The following STXBP3 variants were observed in gnomAD, a reference collection of about 807,000 sequenced individuals.
The protein encoded by STXBP3 is syntaxin binding protein 3.
A neutral mutation model predicts 85.7 loss-of-function variants in STXBP3; 41 were observed. That is an observed-to-expected ratio of 0.48 (90% CI 0.37 to 0.62). The LOEUF is 0.62. Among genes scored for constraint, STXBP3 ranks in the 20% least tolerant of loss-of-function variants. STXBP3 has a pLI of 0.00. For missense variants in STXBP3, 563 were observed against 703.1 expected (o/e 0.80, Z 2.25); for synonymous variants, 229 against 231.7 (o/e 0.99, Z 0.10).
At chr1:108,749,621 A>G (rs765017516) in intron 1 of STXBP3, among the ~76,000 whole-genome samples, 8 of 152,196 alleles carry the variant, frequency 5.3e-5, no homozygotes, top group Non-Finnish European at 1.2e-4. Context: ...GTATTTGTTG[A>G]TATGATTTCC....
intron 11 of STXBP3, among the ~76,000 whole-genome samples, chr1:108,792,553 AAT>A (rs1662998867): frequency 6.6e-6 from 1 of 152,204 alleles, no homozygotes. Context: ...TGAAATACAA[AAT>A]ATATGTTAAC....
chr1:108,776,553 T>G, intron 8 of STXBP3, 130 bp downstream of exon 8: 1 of 566,494 alleles, frequency 1.8e-6, no homozygotes, highest in Non-Finnish European at 3.0e-6. Context: ...AATACTGATT[T>G]GAGAATCATT....
intron 5 of STXBP3, 89 bp from the exon 6 acceptor site, chr1:108,759,896 T>C (rs1477328284): frequency 2.6e-6 from 2 of 768,188 alleles, no homozygotes; most frequent in Non-Finnish European, 4.3e-6. Context: ...CCAGTAATTA[T>C]GTATAACTAT....
At chr1:108,767,312 T>C in intron 6 of STXBP3, 1 of 233,656 alleles carries the variant, frequency 4.3e-6, no homozygotes, top group Non-Finnish European at 8.4e-6. Context: ...CTTCAGCCAG[T>C]TTCCTATTGG....
intron 13 of STXBP3, among the ~76,000 whole-genome samples, chr1:108,795,933 A>G (rs1252203606): frequency 1.4e-5 from 2 of 144,930 alleles, no homozygotes; most frequent in African/African-American, 2.5e-5. Context: ...TGGCCCAATC[A>G]TGGCTCACTG....
At position 108,807,386 on chromosome 1, in the gene STXBP3, TA is replaced by T. The variant is rs758104091; in HGVS notation, c.1536-12del. The T allele has an allele frequency of 8.2e-6, 13 of 1,591,948 alleles. No individual in the cohort carries two copies. In the African/African-American group the frequency reaches 8.2e-5, roughly 10 times the overall value. On this transcript the variant is annotated splice_polypyrimidine_tract_variant and intron_variant, in intron 17 of 18. Coordinates refer to ENST00000370008, the MANE Select transcript of STXBP3 (RefSeq NM_007269.4). ...TATAACATGTTTACTTTTTTTTTTT[TA>T]AATTACTTTTTAGTGCTCGCCAGAA... is the stretch of plus-strand genomic sequence containing the variant.
chr1:108,796,031 A>T (rs1663088082), intron 13 of STXBP3, among the ~76,000 whole-genome samples: 1 of 152,042 alleles, frequency 6.6e-6, no homozygotes, highest in Non-Finnish European at 1.5e-5. Flanking sequence ...ACGCCCGGCT[A>T]ATTTTTTGTA....
chr1:108,778,822 C>T (rs1318035704), intron 8 of STXBP3, among the ~76,000 whole-genome samples: 5 of 152,074 alleles, frequency 3.3e-5, no homozygotes, highest in African/African-American at 1.2e-4. Flanking sequence ...GGGTTGGTTC[C>T]AGGACCTCCT....
chr1:108,760,063 C>A lies in STXBP3; in HGVS notation c.416C>A (p.Ser139Tyr). ...AGAAGATGTAAAGAAATAAATATTT[C>A]CTTCATTCCACATGAATCTCAGGTA... ...SIRRCKEINI[S>Y]FIPHESQVYT... is the part of the protein sequence containing the mutation. Residue 139 changes from serine (S) to tyrosine (Y), a missense_variant, in exon 6 of 19, where the codon TCC (serine) becomes TAC (tyrosine). This residue lies in a region of STXBP3 where 494 missense variants were observed against 592.8 expected (regional missense o/e 0.83). Transcript: ENST00000370008. 1 of 1,559,990 alleles carries A rather than the reference C, an allele frequency of 6.4e-7. No homozygotes were observed. Among genetic ancestry groups the A allele is most frequent in the Non-Finnish European group, 8.6e-7 (1 of 1,157,628 alleles).
intron 17 of STXBP3, among the ~76,000 whole-genome samples, chr1:108,802,596 T>C (rs1443175853): frequency 1.3e-5 from 2 of 152,206 alleles, no homozygotes; most frequent in African/African-American, 2.4e-5. Context: ...CAGCCCAGGC[T>C]AGAAGGTTAC....
intron 1 of STXBP3, among the ~76,000 whole-genome samples, 195 bp from the exon 2 acceptor site, chr1:108,752,062 A>T (rs1477939302): frequency 6.6e-6 from 1 of 152,204 alleles, no homozygotes; most frequent in Non-Finnish European, 1.5e-5. Context: ...AAGTTAAAAA[A>T]TTGATTACAG....
At chr1:108,755,487 AT>A (rs533514810) in intron 3 of STXBP3, among the ~76,000 whole-genome samples, 19 of 150,274 alleles carry the variant, frequency 1.3e-4, no homozygotes, top group Admixed American at 6.0e-4. Context: ...TGGGAATTAG[AT>A]TTTTTTTTTC....
intron 3 of STXBP3, 54 bp downstream of exon 3, chr1:108,753,198 A>T: frequency 7.6e-7 from 1 of 1,314,998 alleles, no homozygotes; most frequent in Admixed American, 2.7e-5. Flanking sequence ...GGGAGATCTG[A>T]GGTATTAAAT....
At chr1:108,771,469 G>GATATAT (rs1207126816) in intron 6 of STXBP3, among the ~76,000 whole-genome samples, 1 of 77,858 alleles carries the variant, frequency 1.3e-5, no homozygotes, top group Admixed American at 1.6e-4. Flanking sequence ...AAATATATAT[G>GATATAT]ATATATATCT....
intron 9 of STXBP3, chr1:108,779,652 C>T: frequency 3.5e-6 from 1 of 288,188 alleles, no homozygotes. Context: ...ACTGTGTGTA[C>T]AGTAGAGCTA....
intron 6 of STXBP3, among the ~76,000 whole-genome samples, chr1:108,765,591 T>TTTTTTCC (rs796642937): frequency 8.2e-6 from 1 of 122,654 alleles, no homozygotes; most frequent in African/African-American, 3.1e-5. Flanking sequence ...TTTTTTTTTT[T>TTTTTTCC]TGAGACGGAG....
chr1:108,779,521 A>T lies in STXBP3; in HGVS notation c.809+111A>T, dbSNP rs562137606. Reference sequence around the variant, plus strand: ...TCTGAAAGCCCCTATAACCTTTTCTATTCAGAGACTTTATCCTTCTCTTAT... The same window carrying T: ...TCTGAAAGCCCCTATAACCTTTTCTTTTCAGAGACTTTATCCTTCTCTTAT... On this transcript the variant is annotated intron_variant, in intron 9 of 18. Coordinates refer to ENST00000370008, the MANE Select transcript of STXBP3 (RefSeq NM_007269.4). The T allele has an allele frequency of 7.3e-4, 823 of 1,128,654 alleles. 6 individuals carry two copies. Among genetic ancestry groups the T allele is most frequent in the South Asian group, 5.1e-3 (218 of 43,152 alleles). 69.9% of individuals were successfully genotyped at this position (1,128,654 alleles called of 1,614,324 possible). A position where few individuals can be genotyped will look rare whatever the true frequency, so the allele number is the denominator to read the frequency against.
intron 8 of STXBP3, among the ~76,000 whole-genome samples, chr1:108,778,537 G>A (rs1662636712): frequency 6.6e-6 from 1 of 152,102 alleles, no homozygotes; most frequent in African/African-American, 2.4e-5. Flanking sequence ...GGGCAAGTTA[G>A]TTCATTTCAG....
chr1:108,805,128 G>A (rs1449025908), intron 17 of STXBP3, among the ~76,000 whole-genome samples: 3 of 152,072 alleles, frequency 2.0e-5, no homozygotes, highest in Admixed American at 6.6e-5. Flanking sequence ...ATATAATCCC[G>A]TTACTCTAAA....
Sources: allele counts gnomAD v4.1 joint callset (sites outside exome capture counted in the v4.1 genomes callset), GRCh38; gene constraint gnomAD v4.1.1; regional missense constraint gnomAD v4.1.1; transcripts MANE v1.5; gene names NCBI Gene and HGNC (gene_info 2026-07-23, HGNC 2026-07-21).